Variants in PCDHA9 observed in about 807,000 individuals in gnomAD.
The protein encoded by PCDHA9 is protocadherin alpha 9.
Under a neutral mutation model 62.0 loss-of-function variants are expected in PCDHA9, and 62 were observed. The observed-to-expected ratio is 1.00, with a 90% CI of 0.81 to 1.23. The LOEUF (loss-of-function observed/expected upper bound fraction) is 1.23, where lower values mean the gene tolerates loss of function less well. PCDHA9 is among the 50% of genes most tolerant of loss of function. The pLI, the probability that PCDHA9 is intolerant of heterozygous loss-of-function variation, is 0.00. For missense variants in PCDHA9, 1,205 were observed against 1,249.8 expected (o/e 0.96, Z 0.54); for synonymous variants, 557 against 567.6 (o/e 0.98, Z 0.27).
intron 1 of PCDHA9, among the ~76,000 whole-genome samples, chr5:140,913,855 T>C (rs1554196077): frequency 6.6e-6 from 1 of 152,220 alleles, no homozygotes; most frequent in Admixed American, 6.5e-5. Context: ...TTCAGGAGCA[T>C]ATTGTTTAAT....
intron 1 of PCDHA9, chr5:140,876,487 G>A (rs782413739): frequency 4.3e-6 from 7 of 1,613,904 alleles, no homozygotes; most frequent in Non-Finnish European, 5.9e-6. Flanking sequence ...GGTCCTGGTG[G>A]AAGTTCTGGA....
intron 1 of PCDHA9, chr5:140,857,810 C>T (rs1411794040): frequency 1.9e-6 from 3 of 1,597,674 alleles, no homozygotes; most frequent in Non-Finnish European, 2.6e-6. Context: ...GGTTGCGGGT[C>T]ACGTGGTGGC....
rs550257645 is a variant in PCDHA9 at position 140,858,423 on chromosome 5, A to G, written c.2394+7534A>G. 7.3e-5 allele frequency: 113 copies of G among 1,554,520 alleles called. 7 individuals carry two copies. In the South Asian group the frequency reaches 1.0e-3, roughly 14 times the overall value. On this transcript the variant is annotated intron_variant, in intron 1 of 3. Coordinates refer to ENST00000532602, the MANE Select transcript of PCDHA9 (RefSeq NM_031857.2). ...GGGGAAGATCAGTCTATTGGAGGGG[A>G]CCACTCTAGGAAGGTGGGTTATTAC...
chr5:140,927,213 G>C (rs1384969721), intron 1 of PCDHA9: 11 of 1,614,000 alleles, frequency 6.8e-6, no homozygotes, highest in Non-Finnish European at 9.3e-6. Flanking sequence ...CGCTGGAGCT[G>C]CACAAGATTC....
chr5:140,873,418 A>C (rs2054276774), intron 1 of PCDHA9, among the ~76,000 whole-genome samples: 1 of 152,174 alleles, frequency 6.6e-6, no homozygotes. Flanking sequence ...AATTTTGTAA[A>C]TTATTATTTT....
At chr5:141,009,450 A>G (rs1272306412) in intron 3 of PCDHA9, among the ~76,000 whole-genome samples, 177 bp from the exon 4 acceptor site, 1 of 152,250 alleles carries the variant, frequency 6.6e-6, no homozygotes, top group Non-Finnish European at 1.5e-5. Context: ...TCTCAAAAAA[A>G]TTAAACAAAT....
At chr5:140,923,983 T>C (rs1180891950) in intron 1 of PCDHA9, among the ~76,000 whole-genome samples, 1 of 152,220 alleles carries the variant, frequency 6.6e-6, no homozygotes, top group African/African-American at 2.4e-5. Context: ...ACTATCCCTC[T>C]AGGTGCAGCT....
chr5:140,872,595 C>T (rs1048527578), intron 1 of PCDHA9, among the ~76,000 whole-genome samples: 1 of 152,102 alleles, frequency 6.6e-6, no homozygotes, highest in African/African-American at 2.4e-5. Context: ...AGACCCCCAT[C>T]TGAAAAAATA....
chr5:140,887,391 C>T lies in PCDHA9; in HGVS notation c.2394+36502C>T, dbSNP rs181873563. ...GATTACAGGTGTGAGCCACCGCGCC[C>T]GGCTCTTTATCTCATTTTTATTTTT... On this transcript the variant is annotated intron_variant, in intron 1 of 3. Coordinates refer to ENST00000532602, the MANE Select transcript of PCDHA9 (RefSeq NM_031857.2). Among the ~76,000 whole-genome samples, 23 of 152,222 alleles carry T rather than the reference C, an allele frequency of 1.5e-4. 1 individual carries two copies. Among genetic ancestry groups the T allele is most frequent in the African/African-American group, 4.8e-4 (20 of 41,540 alleles).
At chr5:141,005,556 G>T (rs62384513) in intron 3 of PCDHA9, among the ~76,000 whole-genome samples, 1 of 151,476 alleles carries the variant, frequency 6.6e-6, no homozygotes, top group South Asian at 2.1e-4. Flanking sequence ...ACAAAAATTA[G>T]CCGGGCATGG....
chr5:140,869,307 C>G, intron 1 of PCDHA9: 2 of 1,613,664 alleles, frequency 1.2e-6, no homozygotes, highest in Non-Finnish European at 1.7e-6. Flanking sequence ...GGGTGGCGTC[C>G]AAAACACATG....
intron 1 of PCDHA9, among the ~76,000 whole-genome samples, chr5:140,925,279 C>T (rs1477579286): frequency 6.6e-6 from 1 of 152,058 alleles, no homozygotes; most frequent in African/African-American, 2.4e-5. Context: ...TCAGATTTTG[C>T]CTTTCAAATG....
At chr5:140,968,017 C>T (rs782195997) in intron 1 of PCDHA9, 2 of 1,614,216 alleles carry the variant, frequency 1.2e-6, no homozygotes, top group East Asian at 2.2e-5. Context: ...GCTTTGGAAA[C>T]TCCTATACAC....
chr5:140,887,537 C>A (rs530539711), intron 1 of PCDHA9, among the ~76,000 whole-genome samples: 7 of 152,132 alleles, frequency 4.6e-5, no homozygotes, highest in African/African-American at 7.2e-5. Flanking sequence ...TTCCTCTCCC[C>A]ACCCCTCATG....
intron 1 of PCDHA9, among the ~76,000 whole-genome samples, chr5:140,873,187 T>C (rs1169831538): frequency 6.6e-6 from 1 of 152,214 alleles, no homozygotes; most frequent in Non-Finnish European, 1.5e-5. Context: ...ATAATATTCA[T>C]TGGCTAAAAA....
chr5:141,002,614 T>C (rs2098088159), intron 3 of PCDHA9, among the ~76,000 whole-genome samples: 1 of 152,130 alleles, frequency 6.6e-6, no homozygotes, highest in Non-Finnish European at 1.5e-5. Context: ...AACAGACACA[T>C]AACACAGACA....
chr5:140,853,932 G>C, intron 1 of PCDHA9: 6 of 869,474 alleles, frequency 6.9e-6, no homozygotes, highest in Non-Finnish European at 8.4e-6. Flanking sequence ...ATTTTGGGAG[G>C]CCAAGGTGGG....
intron 3 of PCDHA9, among the ~76,000 whole-genome samples, chr5:140,991,948 A>G (rs2097482017): frequency 6.6e-6 from 1 of 152,046 alleles, no homozygotes; most frequent in Non-Finnish European, 1.5e-5. Flanking sequence ...TAAAATTAGA[A>G]TGCAGTCATT....
At position 140,882,980 on chromosome 5, in the gene PCDHA9, A is replaced by T. The variant is rs782593392; in HGVS notation, c.2394+32091A>T. On this transcript the variant is annotated intron_variant, in intron 1 of 3. Coordinates refer to ENST00000532602, the MANE Select transcript of PCDHA9 (RefSeq NM_031857.2). ...CATCACGATTCTGGACGTGAATGAC[A>T]ACGCCCCGGAATTTTACCAATCCGT... 34 of 1,614,072 alleles carry T rather than the reference A, an allele frequency of 2.1e-5. No homozygotes were observed. Among genetic ancestry groups the T allele is most frequent in the African/African-American group, 2.7e-5 (2 of 74,926 alleles).
Sources: gnomAD v4.1 joint callset for allele counts (sites outside exome capture counted in the v4.1 genomes callset) on GRCh38, gnomAD v4.1.1 for gene constraint, MANE v1.5 for transcripts, NCBI Gene and HGNC (gene_info 2026-07-23, HGNC 2026-07-21) for gene names.